The following FBXO15 variants were observed in gnomAD, a reference collection of about 807,000 sequenced individuals.
FBXO15 encodes F-box only protein 15.
A neutral mutation model predicts 49.5 loss-of-function variants in FBXO15; 30 were observed. The ratio of observed to expected loss-of-function variants is 0.61; its 90% CI spans 0.45 to 0.82. The LOEUF is 0.82. FBXO15 is among the 40% of genes least tolerant of loss of function. The pLI is 0.00. For missense variants in FBXO15, 591 were observed against 631.5 expected, an observed-to-expected ratio of 0.94 and a Z score of 0.69; for synonymous variants, 250 against 232.7, an observed-to-expected ratio of 1.07 and a Z score of -0.68.
rs1277591969 is a variant in FBXO15 at position 74,073,633 on chromosome 18, G to A, written c.1361C>T (p.Ser454Phe). The A allele has an allele frequency of 6.2e-7, 1 of 1,614,106 alleles. No individual in the cohort carries two copies. The highest frequency in any genetic ancestry group is 1.3e-5 in the African/African-American group (1 of 74,930). Residue 454 changes from serine to phenylalanine, a missense_variant, in exon 10 of 10, where the codon TCT (serine) becomes TTT (phenylalanine). Transcript: ENST00000419743. ...PVCLRSPATPSDSSSFLGQTY... is the reference protein window; with the variant it reads ...PVCLRSPATPFDSSSFLGQTY... ...CTGTCCCAAGAAGCTAGAGCTGTCA[G>A]AGGGTGTGGCAGGCGATCTCAGGCA...
chr18:74,126,132 G>C (rs74509480), intron 5 of FBXO15, 31 bp from the exon 6 acceptor site: 3 of 1,611,506 alleles, frequency 1.9e-6, no homozygotes, highest in Middle Eastern at 1.7e-4. Flanking sequence ...AAAGGAGAGA[G>C]AGAAGTGAGC....
chr18:74,129,058 T>C (rs1005032785), intron 5 of FBXO15, among the ~76,000 whole-genome samples: 3 of 152,162 alleles, frequency 2.0e-5, no homozygotes, highest in Non-Finnish European at 2.9e-5. Flanking sequence ...TAGACTATGA[T>C]TAGTATACCA....
At position 74,104,161 on chromosome 18, in the gene FBXO15, T is replaced by C. The variant is rs925006625; in HGVS notation, c.1138+19207A>G. Among the ~76,000 whole-genome samples, 5 of 152,170 alleles carry C rather than the reference T, an allele frequency of 3.3e-5. No homozygotes were observed. In the East Asian group the frequency reaches 9.6e-4, roughly 29 times the overall value. ...TGGTAATTAAAGTATGTAATTTTTT[T>C]CTCATTTCTTTATTTGCGTCTATTC... is the stretch of plus-strand genomic sequence containing the variant. On this transcript the variant is annotated intron_variant, in intron 8 of 9. Transcript: ENST00000419743.
At chr18:74,108,486 C>A (rs1287073680) in intron 8 of FBXO15, among the ~76,000 whole-genome samples, 1 of 148,558 alleles carries the variant, frequency 6.7e-6, no homozygotes, top group East Asian at 2.0e-4. Flanking sequence ...TTAATATAAA[C>A]CTCTAAAATT....
Position 74,074,087 on chromosome 18 carries a change from C to T in FBXO15, c.1264-357G>A, listed in dbSNP as rs80129876. ...CACACCAACAACCAGTCAGCGCTTC[C>T]GAGCGTGAGGCACCGCATCACCCTG... is the stretch of plus-strand genomic sequence containing the variant. On this transcript the variant is annotated intron_variant, in intron 9 of 9. Coordinates refer to ENST00000419743, the MANE Select transcript of FBXO15 (RefSeq NM_001142958.2). The surrounding 1 kb of genome is among the most constrained non-coding windows in gnomAD (Gnocchi z 4.7). Among the ~76,000 whole-genome samples the T allele has an allele frequency of 1.4e-3, 209 of 152,264 alleles. No homozygotes were observed. The highest frequency in any genetic ancestry group is 4.8e-3 in the African/African-American group (200 of 41,554).
At chr18:74,095,192 C>T (rs907368989) in intron 8 of FBXO15, among the ~76,000 whole-genome samples, 1 of 152,220 alleles carries the variant, frequency 6.6e-6, no homozygotes, top group Non-Finnish European at 1.5e-5. Context: ...TCATATCAGC[C>T]ATAAGGCTGT....
intron 1 of FBXO15, among the ~76,000 whole-genome samples, chr18:74,141,259 A>G (rs923054072): frequency 6.6e-6 from 1 of 152,212 alleles, no homozygotes; most frequent in Non-Finnish European, 1.5e-5. Flanking sequence ...CCAGAAAATC[A>G]TACAGCTCAC....
chr18:74,108,043 T>C (rs894676923), intron 8 of FBXO15, among the ~76,000 whole-genome samples: 1 of 152,110 alleles, frequency 6.6e-6, no homozygotes, highest in Non-Finnish European at 1.5e-5. Context: ...ACCAAAGGAC[T>C]AGAGAATGCT....
chr18:74,120,250 G>A (rs1324239106), intron 8 of FBXO15, among the ~76,000 whole-genome samples: 1 of 152,218 alleles, frequency 6.6e-6, no homozygotes, highest in Non-Finnish European at 1.5e-5. Flanking sequence ...CACTGTCAGA[G>A]TTGGAGATCT....
intron 8 of FBXO15, among the ~76,000 whole-genome samples, chr18:74,104,208 T>C (rs1198353846): frequency 1.3e-5 from 2 of 152,152 alleles, no homozygotes; most frequent in Non-Finnish European, 2.9e-5. Context: ...TTCTAAGTTT[T>C]CATCTCTTTA....
At chr18:74,145,432 T>C (rs1197836330) in intron 1 of FBXO15, among the ~76,000 whole-genome samples, 1 of 152,048 alleles carries the variant, frequency 6.6e-6, no homozygotes, top group Admixed American at 6.6e-5. Flanking sequence ...AAACTTAAGG[T>C]CCCAAGCTAG....
chr18:74,106,457 C>T (rs879259964), intron 8 of FBXO15, among the ~76,000 whole-genome samples: 23 of 151,994 alleles, frequency 1.5e-4, no homozygotes, highest in Non-Finnish European at 2.8e-4. Context: ...AATGAATATT[C>T]AATTAGAAAA....
intron 6 of FBXO15, 141 bp from the exon 7 acceptor site, chr18:74,124,712 A>G: frequency 1.5e-6 from 1 of 680,084 alleles, no homozygotes; most frequent in Non-Finnish European, 2.6e-6. Flanking sequence ...GTGCTAATGC[A>G]TTATTACTGC....
chr18:74,131,013 T>A (rs1236236290), intron 3 of FBXO15, among the ~76,000 whole-genome samples: 2 of 152,244 alleles, frequency 1.3e-5, no homozygotes, highest in Non-Finnish European at 2.9e-5. Flanking sequence ...GTAGTATGAT[T>A]CTTGTTTTTA....
intron 8 of FBXO15, among the ~76,000 whole-genome samples, chr18:74,105,198 CATAGTTTGACAGAAGAGATAAAA>C (rs1913698492): frequency 1.3e-5 from 2 of 152,180 alleles, no homozygotes; most frequent in South Asian, 4.2e-4. Context: ...GGTACAAATA[CATAGTTTGACAGAAGAGATAAAA>C]CCTAGTGTTA....
intron 1 of FBXO15, among the ~76,000 whole-genome samples, chr18:74,141,797 G>A (rs559884939): frequency 6.6e-6 from 1 of 152,138 alleles, no homozygotes; most frequent in Admixed American, 6.5e-5. Context: ...GGAGCCTACC[G>A]CAAGACAGCA....
intron 8 of FBXO15, among the ~76,000 whole-genome samples, chr18:74,121,283 A>T (rs537221703): frequency 6.6e-6 from 1 of 152,234 alleles, no homozygotes; most frequent in Non-Finnish European, 1.5e-5. Context: ...AGAGGAAAGA[A>T]TACTTCCCAA....
At chr18:74,089,755 T>C (rs1212962095) in intron 8 of FBXO15, among the ~76,000 whole-genome samples, 1 of 152,176 alleles carries the variant, frequency 6.6e-6, no homozygotes, top group Non-Finnish European at 1.5e-5. Context: ...CCTTGCATCC[T>C]GGAGATAAAA....
chr18:74,123,752 C>T (rs75895383), intron 7 of FBXO15, among the ~76,000 whole-genome samples: 110 of 152,162 alleles, frequency 7.2e-4, no homozygotes, highest in African/African-American at 2.1e-3. Context: ...CCGCCCAGCA[C>T]GGGTGCACAT....
Sources: gnomAD v4.1 joint callset for allele counts (sites outside exome capture counted in the v4.1 genomes callset) on GRCh38, gnomAD v4.1.1 for gene constraint, Gnocchi (gnomAD v3.1) non-coding constraint, MANE v1.5 for transcripts, NCBI Gene and HGNC (gene_info 2026-07-23, HGNC 2026-07-21) for gene names.